EIF1AY: variants seen among roughly 807,000 people sequenced by gnomAD.
The protein encoded by EIF1AY is eukaryotic translation initiation factor 1A Y-linked.
For missense variants in EIF1AY, 19 were observed against 30.6 expected (o/e 0.62, Z 0.89); for synonymous variants, 16 against 9.9 (o/e 1.62, Z -1.16).
chrY:20,575,809 C>T lies in EIF1AY; in HGVS notation c.-63C>T. The T allele has an allele frequency of 2.8e-6, 1 of 357,715 alleles. No individual in the cohort carries two copies. Among genetic ancestry groups the T allele is most frequent in the African/African-American group, 6.7e-5 (1 of 14,924 alleles). 89.2% of individuals were successfully genotyped at this position (357,715 alleles called of 400,897 possible). On this transcript the variant is annotated 5_prime_UTR_variant, in exon 1 of 7. Coordinates refer to ENST00000361365, the MANE Select transcript of EIF1AY (RefSeq NM_004681.4). ...ACCTGCTGCATCTTAGTTCAGTCGGCTCTTAGAGTAGTAACCGCCAGAAAG... is the reference window on the plus strand; with the variant it reads ...ACCTGCTGCATCTTAGTTCAGTCGGTTCTTAGAGTAGTAACCGCCAGAAAG...
At chrY:20,577,520 C>A in intron 1 of EIF1AY, among the ~76,000 whole-genome samples, 3 of 31,910 alleles carry the variant, frequency 9.4e-5, no homozygotes, top group Non-Finnish European at 1.5e-4. Flanking sequence ...ATCATATGTG[C>A]CTCAGAAGGC....
chrY:20,580,449 A>G, intron 2 of EIF1AY, among the ~76,000 whole-genome samples: 1 of 32,870 alleles, frequency 3.0e-5, no homozygotes, highest in East Asian at 7.8e-4. Context: ...CCTTGAATTG[A>G]TAAACGATGT....
intron 4 of EIF1AY, among the ~76,000 whole-genome samples, chrY:20,584,980 C>T: frequency 9.1e-5 from 3 of 32,911 alleles, no homozygotes; most frequent in Non-Finnish European, 2.2e-4. Context: ...TTAGAAGATA[C>T]ATAGTTACGA....
chrY:20,588,138 T>C (rs1355551410), intron 5 of EIF1AY, 33 bp downstream of exon 5: 1 of 280,065 alleles, frequency 3.6e-6, no homozygotes, highest in South Asian at 3.6e-5. Flanking sequence ...TCCTCATTAT[T>C]TGATATTAAT....
intron 6 of EIF1AY, 58 bp from the exon 7 acceptor site, chrY:20,592,283 G>A: frequency 3.6e-6 from 1 of 281,067 alleles, no homozygotes; most frequent in South Asian, 4.2e-5. Flanking sequence ...TTTATATGCA[G>A]TAGAATGTTG....
At chrY:20,584,685 A>G in intron 4 of EIF1AY, among the ~76,000 whole-genome samples, 161 bp downstream of exon 4, 2 of 33,848 alleles carry the variant, frequency 5.9e-5, no homozygotes, top group Non-Finnish European at 1.5e-4. Context: ...ATTTCAGACT[A>G]TAGTATTTTT....
At chrY:20,587,791 A>T in intron 4 of EIF1AY, 1 of 67,742 alleles carries the variant, frequency 1.5e-5, no homozygotes, top group Non-Finnish European at 3.0e-5. Flanking sequence ...AATCTCTACA[A>T]TCTTTCCTAA....
In EIF1AY at chrY:20,575,779, C is replaced by T; in HGVS notation, c.-93C>T. The T allele has an allele frequency of 1.0e-5, 3 of 288,671 alleles. No homozygotes were observed. Among genetic ancestry groups the T allele is most frequent in the Non-Finnish European group, 1.6e-5 (3 of 191,414 alleles). 72.0% of individuals were successfully genotyped at this position (288,671 alleles called of 400,897 possible). A position where few individuals can be genotyped will look rare whatever the true frequency, so the allele number is the denominator to read the frequency against. ...AGCTCTGTAGCCAGCCTCTTCTGCG[C>T]ACCCACCTGCTGCATCTTAGTTCAG... is the stretch of plus-strand genomic sequence containing the variant. On this transcript the variant is annotated 5_prime_UTR_variant, in exon 1 of 7. Transcript: ENST00000361365.
In EIF1AY at chrY:20,589,464, G is replaced by A; in HGVS notation, c.338-20G>A. The stretch of plus-strand genomic sequence containing the variant: ...GGACTACAGGTTATATAATCAGTAT[G>A]TCTGTTATTTTACCTTTAGCTAAAA... On this transcript the variant is annotated intron_variant, in intron 5 of 6. Coordinates refer to ENST00000361365, the MANE Select transcript of EIF1AY (RefSeq NM_004681.4). The A allele has an allele frequency of 2.6e-6, 1 of 389,651 alleles. No homozygotes were observed. Among genetic ancestry groups the A allele is most frequent in the Non-Finnish European group, 3.6e-6 (1 of 275,688 alleles).
chrY:20,578,224 T>C (rs772054903), intron 1 of EIF1AY, among the ~76,000 whole-genome samples: 50 of 33,439 alleles, frequency 1.5e-3, no homozygotes, highest in Admixed American at 2.7e-3. Context: ...TATGTGGAAT[T>C]ACTTTTTCTT....
chrY:20,581,277 T>C, intron 2 of EIF1AY, among the ~76,000 whole-genome samples: 7 of 33,813 alleles, frequency 2.1e-4, no homozygotes, highest in Non-Finnish European at 3.7e-4. Context: ...CTGAGCTCAC[T>C]GGATTTTTGT....
chrY:20,578,216 T>C, intron 1 of EIF1AY, among the ~76,000 whole-genome samples: 1 of 33,256 alleles, frequency 3.0e-5, no homozygotes, highest in African/African-American at 1.2e-4. Context: ...ATGGGCCATA[T>C]GTGGAATTAC....
chrY:20,584,863 A>G (rs1006660285), intron 4 of EIF1AY, among the ~76,000 whole-genome samples: 3 of 33,479 alleles, frequency 9.0e-5, no homozygotes, highest in Admixed American at 2.8e-4. Context: ...TTAAAGGCCA[A>G]TGGTGTTTCA....
chrY:20,590,834 TACTC>T (rs2089358564), intron 6 of EIF1AY, among the ~76,000 whole-genome samples: 1 of 32,998 alleles, frequency 3.0e-5, no homozygotes, highest in Admixed American at 2.8e-4. Flanking sequence ...AACATTCAAA[TACTC>T]ACCAACAATA....
intron 6 of EIF1AY, among the ~76,000 whole-genome samples, chrY:20,589,783 T>G: frequency 3.0e-5 from 1 of 33,430 alleles, no homozygotes; most frequent in Admixed American, 2.7e-4. Flanking sequence ...AAAAGAAGAA[T>G]TTTGTTTGAA....
intron 4 of EIF1AY, among the ~76,000 whole-genome samples, chrY:20,585,888 G>C (rs2089354225): frequency 3.6e-5 from 1 of 27,930 alleles, no homozygotes; most frequent in Non-Finnish European, 8.3e-5. Context: ...CTGGAAATCA[G>C]ATTGCTGCCT....
chrY:20,578,148 C>A (rs2124356546), intron 1 of EIF1AY, among the ~76,000 whole-genome samples: 1 of 32,996 alleles, frequency 3.0e-5, no homozygotes, highest in African/African-American at 1.2e-4. Context: ...GTTTGAAAAT[C>A]CAGATGCCTG....
At chrY:20,577,424 A>C in intron 1 of EIF1AY, among the ~76,000 whole-genome samples, 1 of 33,563 alleles carries the variant, frequency 3.0e-5, no homozygotes, top group Non-Finnish European at 7.4e-5. Flanking sequence ...TATAATTTAA[A>C]GTGGATTCTG....
chrY:20,582,358 C>T (rs2089351246), intron 2 of EIF1AY, among the ~76,000 whole-genome samples: 2 of 32,113 alleles, frequency 6.2e-5, no homozygotes, highest in South Asian at 7.0e-4. Flanking sequence ...TTACAGGCAT[C>T]GGGCACCACA....
Sources: allele counts gnomAD v4.1 joint callset (sites outside exome capture counted in the v4.1 genomes callset), GRCh38; gene constraint gnomAD v4.1.1; transcripts MANE v1.5; gene names NCBI Gene and HGNC (gene_info 2026-07-23, HGNC 2026-07-21).